The following CACNA2D4 variants were observed in gnomAD, a reference collection of about 807,000 sequenced individuals.
The protein encoded by CACNA2D4 is voltage-dependent calcium channel subunit alpha-2/delta-4.
Under a neutral mutation model 163.8 loss-of-function variants are expected in CACNA2D4, and 157 were observed. The ratio of observed to expected loss-of-function variants is 0.96; its 90% CI spans 0.84 to 1.09. The LOEUF (loss-of-function observed/expected upper bound fraction) is 1.09, where lower values mean the gene tolerates loss of function less well. Ranked by LOEUF, CACNA2D4 falls within the 50% of genes least tolerant of loss-of-function variation. The probability of loss-of-function intolerance (pLI) is 0.00; values close to 1 mark genes in which losing one functional copy is unlikely to be tolerated. For synonymous variants in CACNA2D4, 598 were observed against 586.9 expected (o/e 1.02, Z -0.27); for missense variants, 1,410 against 1,479.9 (o/e 0.95, Z 0.78).
intron 26 of CACNA2D4, among the ~76,000 whole-genome samples, chr12:1,837,582 T>A (rs1000948654): frequency 6.6e-6 from 1 of 152,080 alleles, no homozygotes; most frequent in African/African-American, 2.4e-5. Context: ...CAAGGCGGAA[T>A]TTTCTCCTTC....
At chr12:1,807,519 A>G (rs971079146) in intron 29 of CACNA2D4, among the ~76,000 whole-genome samples, 8 of 152,042 alleles carry the variant, frequency 5.3e-5, no homozygotes, top group African/African-American at 1.9e-4. Context: ...TTTTAAAAAC[A>G]GCAAAAACAG....
rs544240756 is a variant in CACNA2D4, at chr12:1,817,640, C to T, written c.2552-5917G>A. Among the ~76,000 whole-genome samples, 53 of 152,316 alleles carry T rather than the reference C, an allele frequency of 3.5e-4. No homozygotes were observed. In the South Asian group the frequency reaches 9.5e-3, roughly 27 times the overall value. The stretch of plus-strand genomic sequence containing the variant: ...CTGCGATTGCAGGCGTGCGCCGCCA[C>T]GCCTGACTGGTTTTCATATTTTTTT... On this transcript the variant is annotated intron_variant, in intron 26 of 37. Transcript: ENST00000382722.
intron 29 of CACNA2D4, among the ~76,000 whole-genome samples, chr12:1,801,879 G>A (rs1592650972): frequency 6.6e-6 from 1 of 152,104 alleles, no homozygotes; most frequent in Non-Finnish European, 1.5e-5. Flanking sequence ...GGAGTCACCC[G>A]CTAGCTGACT....
Position 1,834,260 on chromosome 12 carries a change from C to T in CACNA2D4, c.2551+6479G>A, listed in dbSNP as rs1195712904. On this transcript the variant is annotated intron_variant, in intron 26 of 37. Coordinates refer to ENST00000382722, the MANE Select transcript of CACNA2D4 (RefSeq NM_172364.5). The surrounding 1 kb of genome is among the most constrained non-coding windows in gnomAD (Gnocchi z 7.6). ...GGTCAGCCCCTCTTTTTCTCTTCTG[C>T]ATGTAGGGGGACGCTTGGACCAGCT... The T allele has an allele frequency of 1.3e-6, 2 of 1,553,164 alleles. No homozygotes were observed. The highest frequency in any genetic ancestry group is 1.9e-5 in the Admixed American group (1 of 53,520).
chr12:1,865,732 T>G (rs7956936), intron 18 of CACNA2D4, among the ~76,000 whole-genome samples: 151,422 of 152,290 alleles, frequency 0.99, 75,281 homozygotes, highest in Middle Eastern at 1. Context: ...GGGGAGCCGG[T>G]GTGTGGGGAA....
Position 1,913,259 on chromosome 12 carries a change from C to T in CACNA2D4, c.310-120G>A, listed in dbSNP as rs1592753728. On this transcript the variant is annotated intron_variant, in intron 2 of 37. Transcript: ENST00000382722. ...ATTCCGGCACATGGAGCCTGGTTTA[C>T]TCAACTAGGGTGAGGCCCAGCCCTC... is the stretch of plus-strand genomic sequence containing the variant. 8 of 722,792 alleles carry T rather than the reference C, an allele frequency of 1.1e-5. No individual in the cohort carries two copies. The East Asian group carries it at 1.6e-4, about 15-fold the overall frequency. 44.8% of individuals were successfully genotyped at this position (722,792 alleles called of 1,614,324 possible). A position where few individuals can be genotyped will look rare whatever the true frequency, so the allele number is the denominator to read the frequency against.
chr12:1,820,145 C>G lies in CACNA2D4; in HGVS notation c.2552-8422G>C, dbSNP rs920255512. 1 of 152,256 alleles carries G rather than the reference C, an allele frequency of 6.6e-6. No individual in the cohort carries two copies. Among genetic ancestry groups the G allele is most frequent in the Admixed American group, 6.5e-5 (1 of 15,292 alleles). The allele number at this position is 152,256 out of a possible 1,614,324, so 9.4% of individuals were successfully genotyped here. A position where few individuals can be genotyped will look rare whatever the true frequency, so the allele number is the denominator to read the frequency against. On this transcript the variant is annotated intron_variant, in intron 26 of 37. Transcript: ENST00000382722. This position sits in a 1 kb window ranked among gnomAD's most constrained non-coding sequence, Gnocchi z 6.0. ...AAAGACCAGCTTCCCAGGGGGGCCT[C>G]CATCGGAACAGAAGTCAGCCGCTTG...
rs1863164922 is a variant in CACNA2D4 at position 1,797,435 on chromosome 12, C to T, written c.3096G>A (p.Glu1032=). 2 of 1,557,244 alleles carry T rather than the reference C, an allele frequency of 1.3e-6. No individual in the cohort carries two copies. Among genetic ancestry groups the T allele is most frequent in the Non-Finnish European group, 8.7e-7 (1 of 1,156,044 alleles). ...GGTCTTACTTCTGGCAGGGCCCGCACTCCACGATCCCGTTGGCCTCCCGGA... is the reference window on the plus strand; with the variant it reads ...GGTCTTACTTCTGGCAGGGCCCGCATTCCACGATCCCGTTGGCCTCCCGGA... ...PAIREANGIV[E]CGPCQKVFVV... is the part of the protein sequence containing the mutation. Residue 1032 remains glutamate (E), a synonymous_variant, in exon 35 of 38, where the codon GAG becomes GAA. Coordinates refer to ENST00000382722, the MANE Select transcript of CACNA2D4 (RefSeq NM_172364.5).
In CACNA2D4 at chr12:1,879,344, G is replaced by A. The variant is rs372386063; in HGVS notation, c.1564-308C>T. Among the ~76,000 whole-genome samples the A allele has an allele frequency of 8.5e-5, 13 of 152,156 alleles. No homozygotes were observed. The East Asian group carries it at 1.7e-3, about 20-fold the overall frequency. ...CAGGGCGAAGTTATCGGGATCTCAG[G>A]GACCATAACTCACGGGGGCTCTGAA... is the stretch of plus-strand genomic sequence containing the variant. On this transcript the variant is annotated intron_variant, in intron 14 of 37. Transcript: ENST00000382722.
chr12:1,824,197 G>T (rs571272769), intron 26 of CACNA2D4, among the ~76,000 whole-genome samples: 3 of 152,166 alleles, frequency 2.0e-5, no homozygotes, highest in Non-Finnish European at 4.4e-5. Flanking sequence ...CTCGGTGGCC[G>T]TTTGCCCTGC....
At chr12:1,794,979 C>A (rs762119548) in intron 37 of CACNA2D4, 18 of 500,728 alleles carry the variant, frequency 3.6e-5, no homozygotes, top group African/African-American at 5.8e-5. Context: ...CTCTATCATT[C>A]CAAGGGTCTT....
intron 29 of CACNA2D4, among the ~76,000 whole-genome samples, chr12:1,805,775 C>T (rs1863514343): frequency 6.6e-6 from 1 of 152,238 alleles, no homozygotes; most frequent in South Asian, 2.1e-4. Context: ...AGGAGCACCG[C>T]TGCCAGGGCA....
chr12:1,869,499 A>G lies in CACNA2D4; in HGVS notation c.1878+5105T>C, dbSNP rs1456554336. On this transcript the variant is annotated intron_variant, in intron 18 of 37. Coordinates refer to ENST00000382722, the MANE Select transcript of CACNA2D4 (RefSeq NM_172364.5). This position sits in a 1 kb window ranked among gnomAD's most constrained non-coding sequence, Gnocchi z 4.7. ...GGTCATCTGCCATCCTGATGGGTAGAGTTGGTGAGTGACAGATGTGGGTTT... is the reference window on the plus strand; with the variant it reads ...GGTCATCTGCCATCCTGATGGGTAGGGTTGGTGAGTGACAGATGTGGGTTT... Among the ~76,000 whole-genome samples, 2 of 152,210 alleles carry G rather than the reference A, an allele frequency of 1.3e-5. No homozygotes were observed. The highest frequency in any genetic ancestry group is 2.9e-5 in the Non-Finnish European group (2 of 68,040).
At chr12:1,888,186 A>G (rs1032615055) in intron 6 of CACNA2D4, among the ~76,000 whole-genome samples, 6 of 152,174 alleles carry the variant, frequency 3.9e-5, no homozygotes, top group Non-Finnish European at 7.4e-5. Context: ...TTACAGCAAC[A>G]TGGTCATGGG....
intron 22 of CACNA2D4, among the ~76,000 whole-genome samples, chr12:1,854,328 G>A (rs961383146): frequency 6.6e-6 from 1 of 152,164 alleles, no homozygotes; most frequent in Non-Finnish European, 1.5e-5. Context: ...GATCTTCCCA[G>A]TCTCCCCCAT....
At chr12:1,824,587 T>C (rs942413030) in intron 26 of CACNA2D4, among the ~76,000 whole-genome samples, 2 of 152,208 alleles carry the variant, frequency 1.3e-5, no homozygotes, top group Non-Finnish European at 1.5e-5. Flanking sequence ...GATGAGGCCA[T>C]GGGACTTGCA....
At chr12:1,913,432 A>G (rs1420761101) in intron 2 of CACNA2D4, among the ~76,000 whole-genome samples, 1 of 152,250 alleles carries the variant, frequency 6.6e-6, no homozygotes, top group East Asian at 1.9e-4. Context: ...GACCAAGGTC[A>G]ACAGCCAGGT....
intron 26 of CACNA2D4, chr12:1,831,210 C>G: frequency 6.2e-7 from 1 of 1,613,888 alleles, no homozygotes; most frequent in East Asian, 2.2e-5. Flanking sequence ...TTTCGGGGAC[C>G]TGACGAATCT....
chr12:1,797,000 C>T (rs2154445063), intron 35 of CACNA2D4, among the ~76,000 whole-genome samples: 1 of 152,368 alleles, frequency 6.6e-6, no homozygotes, highest in East Asian at 1.9e-4. Context: ...CCTCTGCCTT[C>T]CAAGTTCTCC....
Sources: gnomAD v4.1 joint callset for allele counts (sites outside exome capture counted in the v4.1 genomes callset) on GRCh38, gnomAD v4.1.1 for gene constraint, Gnocchi (gnomAD v3.1) non-coding constraint, MANE v1.5 for transcripts, NCBI Gene and HGNC (gene_info 2026-07-23, HGNC 2026-07-21) for gene names.